MYH13: variants seen among roughly 807,000 people sequenced by gnomAD.
The protein encoded by MYH13 is myosin heavy chain 13.
MYH13 carries 177 observed loss-of-function variants against 232.1 expected under a neutral mutation model. The observed-to-expected ratio is 0.76, with a 90% CI of 0.67 to 0.86. The LOEUF (loss-of-function observed/expected upper bound fraction) is 0.86, where lower values mean the gene tolerates loss of function less well. Ranked by LOEUF, MYH13 falls within the 40% of genes least tolerant of loss-of-function variation. MYH13 has a pLI of 0.00. For synonymous variants in MYH13, 884 were observed against 923.5 expected (o/e 0.96, Z 0.78); for missense variants, 2,246 against 2,405.9 (o/e 0.93, Z 1.39).
intron 18 of MYH13, among the ~76,000 whole-genome samples, chr17:10,339,893 T>C (rs1436237001): frequency 6.6e-6 from 1 of 152,250 alleles, no homozygotes; most frequent in African/African-American, 2.4e-5. Flanking sequence ...GTACACATGA[T>C]ATTTTGATAC....
chr17:10,301,601 G>C lies in MYH13; in HGVS notation c.5770C>G (p.Leu1924Val). 1.2e-6 allele frequency: 2 copies of C among 1,614,174 alleles called. No individual in the cohort carries two copies. Among genetic ancestry groups the C allele is most frequent in the Non-Finnish European group, 1.7e-6 (2 of 1,180,032 alleles). Residue 1924 changes from leucine (L) to valine (V), a missense_variant, in exon 40 of 41, where the codon CTG becomes GTG. Leu to Val is a conservative substitution (Grantham distance 32, BLOSUM62 1). Coordinates refer to ENST00000252172, the MANE Select transcript of MYH13 (RefSeq NM_003802.3). ...CCCACGTCTCGGCTCTTGGCCCTCA[G>C]CTTGTTGACCTGGGACTCAGCGATG... Reference protein sequence around the residue: ...ADIAESQVNKLRAKSRDVGSQ... With the variant: ...ADIAESQVNKVRAKSRDVGSQ...
Position 10,353,602 on chromosome 17 carries a change from T to A in MYH13, c.1005+1078A>T, listed in dbSNP as rs188508941. Among the ~76,000 whole-genome samples, 5 of 152,256 alleles carry A rather than the reference T, an allele frequency of 3.3e-5. No individual in the cohort carries two copies. In the East Asian group the frequency reaches 9.7e-4, roughly 29 times the overall value. Reference sequence around the variant, plus strand: ...TCATTGGGCCTGGTGCAGTGGCTCATGCTTGTAATCCCAGCACTTTGGGAG... The same window carrying A: ...TCATTGGGCCTGGTGCAGTGGCTCAAGCTTGTAATCCCAGCACTTTGGGAG... On this transcript the variant is annotated intron_variant, in intron 11 of 40. Coordinates refer to ENST00000252172, the MANE Select transcript of MYH13 (RefSeq NM_003802.3).
At chr17:10,328,948 G>A (rs1401774357) in intron 21 of MYH13, among the ~76,000 whole-genome samples, 1 of 152,096 alleles carries the variant, frequency 6.6e-6, no homozygotes, top group African/African-American at 2.4e-5. Context: ...AAAGTGCTAG[G>A]GTTACAAGCG....
rs1367150534 is a variant in MYH13, at chr17:10,306,784, C to T, written c.5295+155G>A. ...CCCCACAGCCTCCCCTCCCACTTTG[C>T]CACTGCTGAGACTGTACCTCATTAC... On this transcript the variant is annotated intron_variant, in intron 36 of 40. Coordinates refer to ENST00000252172, the MANE Select transcript of MYH13 (RefSeq NM_003802.3). The surrounding 1 kb of genome is among the most constrained non-coding windows in gnomAD (Gnocchi z 4.3). 6.6e-6 allele frequency among the ~76,000 whole-genome samples: 1 copy of T among 152,168 alleles called. No individual in the cohort carries two copies. Among genetic ancestry groups the T allele is most frequent in the East Asian group, 1.9e-4 (1 of 5,190 alleles).
chr17:10,321,715 C>A lies in MYH13; in HGVS notation c.2935-7G>T, dbSNP rs778534578. The A allele has an allele frequency of 1.2e-6, 2 of 1,608,990 alleles. No homozygotes were observed. The highest frequency in any genetic ancestry group is 3.3e-4 in the Middle Eastern group (2 of 6,036). On this transcript the variant is annotated splice_polypyrimidine_tract_variant and splice_region_variant and intron_variant, in intron 23 of 40. Transcript: ENST00000252172. ...CTTCGGAAAGATTCTTTACCTGGGA[C>A]AATATTAACACCGATTTAATATGGA...
chr17:10,343,903 G>T lies in MYH13; in HGVS notation c.1791C>A (p.Asp597Glu). Reference sequence around the variant, plus strand: ...TCTCGTTCAGGGGGTCCTTGTTTTTGTCCAGCCAGCCGGCGATGTTGTAGT... The same window carrying T: ...TCTCGTTCAGGGGGTCCTTGTTTTTTTCCAGCCAGCCGGCGATGTTGTAGT... ...TVDYNIAGWL[D>E]KNKDPLNETV... The change falls in exon 16 of 41, where the codon GAC becomes GAA. Residue 597 changes from aspartate (D) to glutamate (E), a missense_variant. By Grantham distance (45) the Asp-to-Glu change is conservative. Coordinates refer to ENST00000252172, the MANE Select transcript of MYH13 (RefSeq NM_003802.3). 1 of 1,614,248 alleles carries T rather than the reference G, an allele frequency of 6.2e-7. No individual in the cohort carries two copies. The highest frequency in any genetic ancestry group is 8.5e-7 in the Non-Finnish European group (1 of 1,180,038).
chr17:10,356,735 C>T (rs1260611489), intron 8 of MYH13, among the ~76,000 whole-genome samples: 1 of 152,178 alleles, frequency 6.6e-6, no homozygotes, highest in Non-Finnish European at 1.5e-5. Context: ...TTGAGACTAT[C>T]CAACTATTAA....
chr17:10,309,518 T>G lies in MYH13; in HGVS notation c.4965+4A>C. On this transcript the variant is annotated splice_donor_region_variant and intron_variant, in intron 34 of 40. Transcript: ENST00000252172. ...AGGTACGCAGAGGCGGCCACCGTGCTCACCTTGAGCTGGCCCTGGACCGTG... is the reference window on the plus strand; with the variant it reads ...AGGTACGCAGAGGCGGCCACCGTGCGCACCTTGAGCTGGCCCTGGACCGTG... 2.5e-6 allele frequency: 4 copies of G among 1,604,764 alleles called. No individual in the cohort carries two copies. The highest frequency in any genetic ancestry group is 3.4e-6 in the Non-Finnish European group (4 of 1,174,724).
intron 3 of MYH13, among the ~76,000 whole-genome samples, chr17:10,363,458 T>C (rs1267313678): frequency 6.6e-6 from 1 of 152,084 alleles, no homozygotes; most frequent in Non-Finnish European, 1.5e-5. Context: ...TTTGCTGGTA[T>C]AGACCAAATT....
At position 10,342,795 on chromosome 17, in the gene MYH13, A is replaced by G. The variant is rs895767376; in HGVS notation, c.1894+1005T>C. 3.9e-5 allele frequency among the ~76,000 whole-genome samples: 6 copies of G among 152,276 alleles called. No homozygotes were observed. The East Asian group carries it at 1.2e-3, about 29-fold the overall frequency. On this transcript the variant is annotated intron_variant, in intron 16 of 40. Transcript: ENST00000252172. ...AGTGGTTGCCAGAGGCTAGGGATAG[A>G]AATCTGCTCATGGGGACAGGCATGA...
At chr17:10,336,538 G>C (rs535222797) in intron 18 of MYH13, among the ~76,000 whole-genome samples, 26 of 152,168 alleles carry the variant, frequency 1.7e-4, no homozygotes, top group African/African-American at 5.8e-4. Flanking sequence ...CATTCCAGGA[G>C]ATGGCAAAAA....
At chr17:10,312,275 A>G (rs1415752152) in intron 31 of MYH13, among the ~76,000 whole-genome samples, 199 bp from the exon 32 acceptor site, 2 of 152,186 alleles carry the variant, frequency 1.3e-5, no homozygotes, top group Non-Finnish European at 2.9e-5. Flanking sequence ...TCTCACAGAC[A>G]TTATAATCTC....
At chr17:10,316,957 G>C (rs2142228297) in intron 27 of MYH13, among the ~76,000 whole-genome samples, 1 of 152,336 alleles carries the variant, frequency 6.6e-6, no homozygotes, top group South Asian at 2.1e-4. Flanking sequence ...GGATCTCTTT[G>C]AGAAGATGAC....
intron 40 of MYH13, 97 bp from the exon 41 acceptor site, chr17:10,301,062 T>C: frequency 9.0e-7 from 1 of 1,114,216 alleles, no homozygotes. Flanking sequence ...ATCTGGAACT[T>C]CAGAGGAATA....
intron 5 of MYH13, among the ~76,000 whole-genome samples, chr17:10,361,023 A>G (rs2071788197): frequency 6.6e-6 from 1 of 152,162 alleles, no homozygotes; most frequent in Non-Finnish European, 1.5e-5. Context: ...TTGACTTCGG[A>G]CTTCAATCCT....
At chr17:10,307,267 T>C (rs990397589) in intron 35 of MYH13, among the ~76,000 whole-genome samples, 1 of 152,222 alleles carries the variant, frequency 6.6e-6, no homozygotes, top group African/African-American at 2.4e-5. Flanking sequence ...CCAAGAATTG[T>C]ACATGAAAGA....
Position 10,321,522 on chromosome 17 carries a change from A to G in MYH13, c.3111+10T>C. On this transcript the variant is annotated intron_variant, in intron 24 of 40. Transcript: ENST00000252172. ...ATAAATGCTAAAGCATAGTAGTAAA[A>G]TATCCTCACATCATCTGTTTGCTGT... is the stretch of plus-strand genomic sequence containing the variant. 1 of 1,608,860 alleles carries G rather than the reference A, an allele frequency of 6.2e-7. No individual in the cohort carries two copies. Among genetic ancestry groups the G allele is most frequent in the Non-Finnish European group, 8.5e-7 (1 of 1,177,566 alleles).
intron 20 of MYH13, 26 bp downstream of exon 20, chr17:10,332,073 G>C (rs375511949): frequency 3.1e-6 from 5 of 1,612,672 alleles, no homozygotes; most frequent in Non-Finnish European, 4.2e-6. Flanking sequence ...GGTTACTAGG[G>C]GAGTCCCAGC....
chr17:10,322,906 T>C (rs1907023191), intron 23 of MYH13, among the ~76,000 whole-genome samples: 2 of 152,174 alleles, frequency 1.3e-5, no homozygotes, highest in Admixed American at 6.5e-5. Context: ...GTGCTGGGAT[T>C]ACAGGCATAA....
Sources: gnomAD v4.1 joint callset for allele counts (sites outside exome capture counted in the v4.1 genomes callset) on GRCh38, gnomAD v4.1.1 for gene constraint, Gnocchi (gnomAD v3.1) non-coding constraint, MANE v1.5 for transcripts, NCBI Gene and HGNC (gene_info 2026-07-23, HGNC 2026-07-21) for gene names.